PRKACB: variants seen among roughly 807,000 people sequenced by gnomAD.
PRKACB encodes cAMP-dependent protein kinase catalytic subunit beta.
PRKACB carries 16 observed loss-of-function variants against 51.4 expected under a neutral mutation model. The ratio of observed to expected loss-of-function variants is 0.31; its 90% CI spans 0.21 to 0.47. The LOEUF (loss-of-function observed/expected upper bound fraction) is 0.47. Ranked by LOEUF, PRKACB falls within the 20% of genes least tolerant of loss-of-function variation. The pLI, the probability that PRKACB is intolerant of heterozygous loss-of-function variation, is 1.00. For synonymous variants in PRKACB, 147 were observed against 154.4 expected (o/e 0.95, Z 0.35); for missense variants, 309 against 464.5 (o/e 0.67, Z 3.08).
intron 1 of PRKACB, among the ~76,000 whole-genome samples, chr1:84,154,397 T>C (rs1393521484): frequency 6.6e-6 from 1 of 152,114 alleles, no homozygotes; most frequent in Non-Finnish European, 1.5e-5. Flanking sequence ...CAATAAGGAA[T>C]ATGAAGACTC....
At chr1:84,105,050 G>C (rs1052840585) in intron 1 of PRKACB, among the ~76,000 whole-genome samples, 1 of 152,048 alleles carries the variant, frequency 6.6e-6, no homozygotes, top group Non-Finnish European at 1.5e-5. Context: ...AAAAAAAATC[G>C]TTTTCTTAAA....
intron 1 of PRKACB, among the ~76,000 whole-genome samples, chr1:84,135,914 A>T (rs767199291): frequency 1.3e-5 from 2 of 152,060 alleles, no homozygotes; most frequent in Non-Finnish European, 2.9e-5. Context: ...AATAAAAATT[A>T]GAGCAGAAAT....
chr1:84,176,848 G>A (rs1661453197), intron 1 of PRKACB, among the ~76,000 whole-genome samples: 1 of 151,836 alleles, frequency 6.6e-6, no homozygotes, highest in Non-Finnish European at 1.5e-5. Context: ...TGAGTACAGA[G>A]AGTATTTTAA....
At chr1:84,139,593 G>T (rs1252616860), upstream of PRKACB, among the ~76,000 whole-genome samples, 1 of 152,144 alleles carries the variant, frequency 6.6e-6, no homozygotes, top group Non-Finnish European at 1.5e-5. Context: ...TAAATGAAGA[G>T]ACATGCTATG....
intron 9 of PRKACB, among the ~76,000 whole-genome samples, chr1:84,228,012 T>C (rs555218384): frequency 8.5e-5 from 13 of 152,330 alleles, no homozygotes; most frequent in Admixed American, 3.9e-4. Flanking sequence ...TTATTCTAAA[T>C]TGCTGGCTGG....
At position 84,204,639 on chromosome 1, in the gene PRKACB, A is replaced by G. The variant is rs550751098; in HGVS notation, c.906+1834A>G. 4 of 1,172,538 alleles carry G rather than the reference A, an allele frequency of 3.4e-6. No individual in the cohort carries two copies. In the South Asian group the frequency reaches 1.2e-4, roughly 34 times the overall value. The allele number at this position is 1,172,538 out of a possible 1,614,324, so 72.6% of individuals were successfully genotyped here. ...AATACATTAAAATCACAAATGGAAG[A>G]AGAATATTTTACTAATACAAAAACT... On this transcript the variant is annotated intron_variant, in intron 8 of 9. Transcript: ENST00000370685.
intron 1 of PRKACB, among the ~76,000 whole-genome samples, chr1:84,088,523 T>C (rs1380431921): frequency 6.6e-6 from 1 of 152,146 alleles, no homozygotes; most frequent in Non-Finnish European, 1.5e-5. Context: ...TGAGAGAACA[T>C]GTTGGTATAG....
At chr1:84,232,161 C>T (rs955637973) in intron 9 of PRKACB, among the ~76,000 whole-genome samples, 5 of 151,960 alleles carry the variant, frequency 3.3e-5, no homozygotes, top group Admixed American at 6.6e-5. Context: ...TTTATTTCTG[C>T]CTTCATTTCG....
chr1:84,170,691 A>G (rs1659155650), intron 1 of PRKACB, among the ~76,000 whole-genome samples: 1 of 151,646 alleles, frequency 6.6e-6, no homozygotes, highest in African/African-American at 2.4e-5. Context: ...TGCAAATGAT[A>G]TTTAGATACA....
chr1:84,212,252 C>G (rs1202730673), intron 8 of PRKACB, among the ~76,000 whole-genome samples: 1 of 152,148 alleles, frequency 6.6e-6, no homozygotes, highest in Non-Finnish European at 1.5e-5. Flanking sequence ...ATGCCCCCAT[C>G]ATCTGAGGCA....
intron 9 of PRKACB, among the ~76,000 whole-genome samples, chr1:84,228,977 A>T (rs997411688): frequency 6.6e-6 from 1 of 151,042 alleles, no homozygotes; most frequent in Non-Finnish European, 1.5e-5. Context: ...CATGTGCACA[A>T]TGTGCAGGTT....
At chr1:84,199,534 T>A (rs576981389) in intron 7 of PRKACB, among the ~76,000 whole-genome samples, 1 of 152,316 alleles carries the variant, frequency 6.6e-6, no homozygotes, top group East Asian at 1.9e-4. Context: ...TACCACATTT[T>A]CTTTGTCTAG....
At chr1:84,234,411 G>T (rs1676347684) in intron 9 of PRKACB, among the ~76,000 whole-genome samples, 1 of 152,244 alleles carries the variant, frequency 6.6e-6, no homozygotes, top group Admixed American at 6.5e-5. Context: ...ACAGAGGCAG[G>T]CAGGCCTCCT....
At chr1:84,126,867 A>G (rs1651664130) in intron 1 of PRKACB, among the ~76,000 whole-genome samples, 1 of 152,136 alleles carries the variant, frequency 6.6e-6, no homozygotes. Flanking sequence ...ATATATATGA[A>G]ATCTGTCTGT....
intron 4 of PRKACB, among the ~76,000 whole-genome samples, chr1:84,184,614 C>G (rs1418936049): frequency 1.3e-5 from 2 of 151,794 alleles, no homozygotes; most frequent in Non-Finnish European, 2.9e-5. Context: ...CTTTTGAGCT[C>G]TTTGGAATGA....
Position 84,185,143 on chromosome 1 carries a change from G to A in PRKACB, c.521G>A (p.Gly174Asp), listed in dbSNP as rs1210651667. 1 of 1,506,340 alleles carries A rather than the reference G, an allele frequency of 6.6e-7. No individual in the cohort carries two copies. The allele number at this position is 1,506,340 out of a possible 1,614,324, so 93.3% of individuals were successfully genotyped here. The change falls in exon 5 of 10, where the codon GGT becomes GAT. Residue 174 changes from glycine to aspartate, a missense_variant. Transcript: ENST00000370685. The part of the protein sequence containing the change: ...LYMVMEYVPG[G>D]EMFSHLRRIG... ...ATGGTTATGGAATATGTCCCTGGGG[G>A]TGAAATGTTTTCACATCTAAGAAGA...
intron 1 of PRKACB, among the ~76,000 whole-genome samples, chr1:84,108,772 A>G (rs1265214402): frequency 1.3e-5 from 2 of 152,020 alleles, no homozygotes; most frequent in Non-Finnish European, 2.9e-5. Flanking sequence ...CCTGCTATCC[A>G]TATTATATAT....
intron 1 of PRKACB, among the ~76,000 whole-genome samples, chr1:84,169,197 G>C (rs1658553775): frequency 6.6e-6 from 1 of 151,678 alleles, no homozygotes; most frequent in South Asian, 2.1e-4. Context: ...CAGTCTCCAA[G>C]AGGTAGAGAA....
chr1:84,219,444 C>T (rs770705242), intron 9 of PRKACB, among the ~76,000 whole-genome samples: 1 of 151,906 alleles, frequency 6.6e-6, no homozygotes, highest in Non-Finnish European at 1.5e-5. Context: ...AGGCTGGTCT[C>T]GAACTCCTGA....
Sources: gnomAD v4.1 joint callset for allele counts (sites outside exome capture counted in the v4.1 genomes callset) on GRCh38, gnomAD v4.1.1 for gene constraint, MANE v1.5 for transcripts, NCBI Gene and HGNC (gene_info 2026-07-23, HGNC 2026-07-21) for gene names.